Variants in GOLIM4 observed in about 807,000 individuals in gnomAD.
GOLIM4 encodes 130 kDa golgi-localized phosphoprotein.
GOLIM4 carries 71 observed loss-of-function variants against 107.4 expected under a neutral mutation model. The ratio of observed to expected loss-of-function variants is 0.66; its 90% CI spans 0.55 to 0.81. The LOEUF (loss-of-function observed/expected upper bound fraction) is 0.81. GOLIM4 is among the 30% of genes least tolerant of loss of function. GOLIM4 has a pLI of 0.00. For synonymous variants in GOLIM4, 327 were observed against 294.8 expected (o/e 1.11, Z -1.12); for missense variants, 830 against 826.1 (o/e 1.00, Z -0.06).
In GOLIM4 at chr3:168,029,891, C is replaced by A. The variant is rs137904787; in HGVS notation, c.1322G>T (p.Gly441Val). The A allele has an allele frequency of 5.2e-5, 84 of 1,614,094 alleles. No individual in the cohort carries two copies. The African/African-American group carries it at 1.0e-3, about 20-fold the overall frequency. The change falls in exon 10 of 16, where the codon GGG becomes GTG. Residue 441 changes from glycine to valine, a missense_variant. Coordinates refer to ENST00000470487, the MANE Select transcript of GOLIM4 (RefSeq NM_014498.5). ...CTGTTCCTGCTGCCGTAGTAAGTGC[C>A]CCTGCAGCCTCTGCTGGTGCAAAGC... ...QEALHQQRLQGHLLRQQEQQQ... is the reference protein window; with the variant it reads ...QEALHQQRLQVHLLRQQEQQQ...
chr3:168,046,944 A>G lies in GOLIM4; in HGVS notation c.312+6T>C. The G allele has an allele frequency of 7.5e-7, 1 of 1,327,808 alleles. No individual in the cohort carries two copies. The highest frequency in any genetic ancestry group is 1.0e-6 in the Non-Finnish European group (1 of 966,060). The allele number at this position is 1,327,808 out of a possible 1,614,324, so 82.3% of individuals were successfully genotyped here. A position where few individuals can be genotyped will look rare whatever the true frequency, so the allele number is the denominator to read the frequency against. Reference sequence around the variant, plus strand: ...AAACAACCACAACAAAAAAAACAAAACTTACCCTTCCTTTATTTAATGTTT... The same window carrying G: ...AAACAACCACAACAAAAAAAACAAAGCTTACCCTTCCTTTATTTAATGTTT... On this transcript the variant is annotated splice_donor_region_variant and intron_variant, in intron 3 of 15. Coordinates refer to ENST00000470487, the MANE Select transcript of GOLIM4 (RefSeq NM_014498.5).
chr3:168,078,722 G>C (rs1285123222), intron 1 of GOLIM4, among the ~76,000 whole-genome samples: 1 of 152,110 alleles, frequency 6.6e-6, no homozygotes, highest in Non-Finnish European at 1.5e-5. Context: ...AAGGTAATTG[G>C]TGGGTCTGTT....
At chr3:168,067,666 T>G (rs1007277968) in intron 1 of GOLIM4, among the ~76,000 whole-genome samples, 3 of 151,968 alleles carry the variant, frequency 2.0e-5, no homozygotes, top group Non-Finnish European at 4.4e-5. Context: ...AATGTTATAG[T>G]AGAGTTAATA....
chr3:168,022,345 A>C (rs79150615), intron 14 of GOLIM4, among the ~76,000 whole-genome samples: 5 of 151,264 alleles, frequency 3.3e-5, no homozygotes, highest in Non-Finnish European at 7.4e-5. Context: ...AAAAAAAAAA[A>C]ACAACAACAA....
intron 10 of GOLIM4, 49 bp downstream of exon 10, chr3:168,029,731 A>G (rs1044576201): frequency 6.3e-7 from 1 of 1,593,776 alleles, no homozygotes; most frequent in African/African-American, 1.3e-5. Context: ...TTTGCGTATG[A>G]AAACTGGAGC....
chr3:168,087,732 A>AG (rs753837959), intron 1 of GOLIM4, among the ~76,000 whole-genome samples: 170 of 152,316 alleles, frequency 1.1e-3, no homozygotes, highest in Middle Eastern at 3.4e-3. Flanking sequence ...TAGGTTTCTA[A>AG]GCTTAGTTTC....
Position 168,085,293 on chromosome 3 carries a change from T to C in GOLIM4, c.187+9806A>G, listed in dbSNP as rs111860463. 6.4e-3 allele frequency among the ~76,000 whole-genome samples: 969 copies of C among 152,302 alleles called. 7 individuals are homozygous for C. Among genetic ancestry groups the C allele is most frequent in the African/African-American group, 0.022 (929 of 41,560 alleles). ...GTTAAAATCTTGGAATGATCAAAAG[T>C]GATATCTCAGAGTACTATTTCATCA... On this transcript the variant is annotated intron_variant, in intron 1 of 15. Coordinates refer to ENST00000470487, the MANE Select transcript of GOLIM4 (RefSeq NM_014498.5).
chr3:168,027,696 C>T (rs1228242891), intron 12 of GOLIM4, 32 bp downstream of exon 12: 4 of 1,250,660 alleles, frequency 3.2e-6, no homozygotes, highest in South Asian at 2.4e-5. Flanking sequence ...TATGAGTTTA[C>T]ATGTGTCAGG....
At position 168,021,418 on chromosome 3, in the gene GOLIM4, C is replaced by A. The variant is rs138921436; in HGVS notation, c.1860+3108G>T. On this transcript the variant is annotated intron_variant, in intron 14 of 15. Coordinates refer to ENST00000470487, the MANE Select transcript of GOLIM4 (RefSeq NM_014498.5). Reference sequence around the variant, plus strand: ...TGGTGGCTCACACCTGTAATCCCAGCACTTTGGGAGGCAGAGGTGGGAGGA... The same window carrying A: ...TGGTGGCTCACACCTGTAATCCCAGAACTTTGGGAGGCAGAGGTGGGAGGA... 2.5e-3 allele frequency among the ~76,000 whole-genome samples: 375 copies of A among 152,246 alleles called. 3 individuals are homozygous for A. The highest frequency in any genetic ancestry group is 8.7e-3 in the African/African-American group (362 of 41,546).
rs770304989 is a variant in GOLIM4, at chr3:168,095,325, C to G, written c.-40G>C. On this transcript the variant is annotated 5_prime_UTR_variant, in exon 1 of 16. Coordinates refer to ENST00000470487, the MANE Select transcript of GOLIM4 (RefSeq NM_014498.5). ...CCAAAGCCGCGGCCGCCCCCGCCGTCTCCTCCCCTTGGTCCGAGCGAGCGT... is the reference window on the plus strand; with the variant it reads ...CCAAAGCCGCGGCCGCCCCCGCCGTGTCCTCCCCTTGGTCCGAGCGAGCGT... 7.8e-5 allele frequency: 123 copies of G among 1,579,198 alleles called. No individual in the cohort carries two copies. The highest frequency in any genetic ancestry group is 1.0e-4 in the Non-Finnish European group (119 of 1,157,136).
intron 1 of GOLIM4, 72 bp from the exon 2 acceptor site, chr3:168,048,437 A>G (rs937036555): frequency 5.6e-6 from 4 of 720,212 alleles, no homozygotes; most frequent in African/African-American, 1.8e-5. Flanking sequence ...TCAATTTTTA[A>G]AACAGGAAGA....
chr3:168,058,591 C>T (rs983210561), intron 1 of GOLIM4, among the ~76,000 whole-genome samples: 22 of 152,116 alleles, frequency 1.4e-4, no homozygotes, highest in African/African-American at 5.3e-4. Context: ...CAAATAAATA[C>T]ACGTTGTGAG....
At chr3:168,073,722 T>G (rs1485062363) in intron 1 of GOLIM4, among the ~76,000 whole-genome samples, 1 of 152,226 alleles carries the variant, frequency 6.6e-6, no homozygotes, top group African/African-American at 2.4e-5. Context: ...TTTCTGCTTA[T>G]ATAGGGTATT....
At chr3:168,019,388 AC>A (rs1268108734) in intron 14 of GOLIM4, among the ~76,000 whole-genome samples, 1 of 152,200 alleles carries the variant, frequency 6.6e-6, no homozygotes, top group East Asian at 1.9e-4. Flanking sequence ...ATATCTAAAA[AC>A]AATAAACAAC....
At position 168,095,556 on chromosome 3, in the gene GOLIM4, G is replaced by A; in HGVS notation, c.-271C>T. 2.2e-6 allele frequency: 1 copy of A among 447,162 alleles called. No homozygotes were observed. Among genetic ancestry groups the A allele is most frequent in the Non-Finnish European group, 4.0e-6 (1 of 251,908 alleles). The allele number at this position is 447,162 out of a possible 1,614,324, so 27.7% of individuals were successfully genotyped here. The stretch of plus-strand genomic sequence containing the variant: ...GCCCGGGGCCGGGAGGAGGCCCTCC[G>A]CATACTTCAGAGCCGGCTGCCCTCG... On this transcript the variant is annotated 5_prime_UTR_variant, in exon 1 of 16. Coordinates refer to ENST00000470487, the MANE Select transcript of GOLIM4 (RefSeq NM_014498.5).
intron 1 of GOLIM4, among the ~76,000 whole-genome samples, chr3:168,055,727 A>G (rs9878339): frequency 0.53 from 80,387 of 150,732 alleles, 22,568 homozygotes; most frequent in African/African-American, 0.65. Context: ...GTGTGAACCC[A>G]GGAGGCGGAG....
At chr3:168,066,470 A>G (rs1270134977) in intron 1 of GOLIM4, among the ~76,000 whole-genome samples, 2 of 152,174 alleles carry the variant, frequency 1.3e-5, no homozygotes, top group African/African-American at 4.8e-5. Flanking sequence ...TTTCATTGAC[A>G]AAATGTAAAT....
chr3:168,077,610 T>C (rs1222872250), intron 1 of GOLIM4, among the ~76,000 whole-genome samples: 1 of 152,200 alleles, frequency 6.6e-6, no homozygotes, highest in East Asian at 1.9e-4. Context: ...GATTCTGAAA[T>C]TGACACACAA....
rs199969984 is a variant in GOLIM4, at chr3:168,010,341, G to A, written c.2019C>T (p.Tyr673=). Residue 673 remains tyrosine (Y), a synonymous_variant, in exon 16 of 16, where the codon TAC becomes TAT. Coordinates refer to ENST00000470487, the MANE Select transcript of GOLIM4 (RefSeq NM_014498.5). ...CTTCTTCCTCCTCTTCTTCCTCCTCGTAGTGTTCCTCTCGGCCTTTGGGGC... is the reference window on the plus strand; with the variant it reads ...CTTCTTCCTCCTCTTCTTCCTCCTCATAGTGTTCCTCTCGGCCTTTGGGGC... The part of the protein sequence containing the change: ...DNRPKGREEH[Y]EEEEEEEEDG... 5.6e-6 allele frequency: 9 copies of A among 1,613,276 alleles called. No homozygotes were observed. Among genetic ancestry groups the A allele is most frequent in the African/African-American group, 4.0e-5 (3 of 74,814 alleles).
Sources: allele counts gnomAD v4.1 joint callset (sites outside exome capture counted in the v4.1 genomes callset), GRCh38; gene constraint gnomAD v4.1.1; transcripts MANE v1.5; gene names NCBI Gene and HGNC (gene_info 2026-07-23, HGNC 2026-07-21).